MSI2: variants seen among roughly 807,000 people sequenced by gnomAD.
The protein encoded by MSI2 is RNA-binding protein Musashi homolog 2.
Under a neutral mutation model 45.6 loss-of-function variants are expected in MSI2, and 17 were observed. That is an observed-to-expected ratio of 0.37 (90% CI 0.26 to 0.56). The LOEUF is 0.56. Among genes scored for constraint, MSI2 ranks in the 20% least tolerant of loss-of-function variants. The pLI, the probability that MSI2 is intolerant of heterozygous loss-of-function variation, is 0.77. For synonymous variants in MSI2, 156 were observed against 158.2 expected (o/e 0.99, Z 0.11); for missense variants, 293 against 444.2 (o/e 0.66, Z 3.06).
At chr17:57,438,814 T>TTTTTGG (rs2084740645) in intron 6 of MSI2, among the ~76,000 whole-genome samples, 1 of 151,444 alleles carries the variant, frequency 6.6e-6, no homozygotes, top group Non-Finnish European at 1.5e-5. Flanking sequence ...TTTTTTTTTT[T>TTTTTGG]GAGACTGCGT....
At chr17:57,647,274 C>T (rs150908617) in intron 10 of MSI2, among the ~76,000 whole-genome samples, 1 of 37,680 alleles carries the variant, frequency 2.7e-5, no homozygotes, top group Non-Finnish European at 5.3e-5. Flanking sequence ...ACTAAAAATA[C>T]AAAAAAAAAA....
At chr17:57,262,260 A>G in intron 5 of MSI2, 68 bp downstream of exon 5, 4 of 1,540,128 alleles carry the variant, frequency 2.6e-6, no homozygotes, top group Non-Finnish European at 3.6e-6. Context: ...CAAATTTCAA[A>G]CAGCATTGGC....
intron 6 of MSI2, among the ~76,000 whole-genome samples, chr17:57,509,268 C>T (rs1374291720): frequency 6.6e-6 from 1 of 152,088 alleles, no homozygotes; most frequent in African/African-American, 2.4e-5. Flanking sequence ...GAGAGTGTTT[C>T]TCTTAAATAT....
chr17:57,601,424 C>T (rs1007956541), intron 8 of MSI2: 3 of 152,264 alleles, frequency 2.0e-5, no homozygotes, highest in Non-Finnish European at 4.4e-5. Context: ...GGGGATCCTC[C>T]CTGGCCACTC....
rs981636976 is a variant in MSI2, at chr17:57,328,252, A to G, written c.312+66060A>G. Among the ~76,000 whole-genome samples the G allele has an allele frequency of 5.5e-5, 8 of 145,788 alleles. No homozygotes were observed. In the South Asian group the frequency reaches 8.5e-4, roughly 16 times the overall value. ...CATGCATCTACCTAGCCATCCATCCATGTATTCATCTATCCATCCATCCAT... is the reference window on the plus strand; with the variant it reads ...CATGCATCTACCTAGCCATCCATCCGTGTATTCATCTATCCATCCATCCAT... On this transcript the variant is annotated intron_variant, in intron 5 of 13. Transcript: ENST00000284073.
chr17:57,350,323 C>G (rs1261235975), intron 5 of MSI2, among the ~76,000 whole-genome samples: 1 of 151,396 alleles, frequency 6.6e-6, no homozygotes, highest in African/African-American at 2.4e-5. Context: ...GCCTTAGAGT[C>G]CAGACATGGT....
the MSI2 span, among the ~76,000 whole-genome samples, chr17:57,700,705 C>G: frequency 6.6e-6 from 1 of 152,110 alleles, no homozygotes; most frequent in Admixed American, 6.5e-5. Context: ...GAGTTCGAGA[C>G]CAGCCTGGCC....
chr17:57,535,817 G>C (rs1049898622), intron 7 of MSI2, among the ~76,000 whole-genome samples: 2 of 152,232 alleles, frequency 1.3e-5, no homozygotes, highest in African/African-American at 4.8e-5. Context: ...AGCTTGCTCA[G>C]TCTCTGTCCC....
intron 5 of MSI2, among the ~76,000 whole-genome samples, chr17:57,329,940 G>GTT (rs113322197): frequency 2.1e-5 from 3 of 141,798 alleles, no homozygotes; most frequent in Admixed American, 7.0e-5. Flanking sequence ...TTTTGTTTTT[G>GTT]TTTTTTTTTT....
chr17:57,587,683 G>A (rs942816598), intron 7 of MSI2, among the ~76,000 whole-genome samples: 1 of 152,196 alleles, frequency 6.6e-6, no homozygotes, highest in Admixed American at 6.5e-5. Context: ...GCCGATCTCT[G>A]CCTTGCCTGT....
chr17:57,574,242 C>G (rs760206712), intron 7 of MSI2, among the ~76,000 whole-genome samples: 1 of 152,208 alleles, frequency 6.6e-6, no homozygotes. Context: ...TTTTCTCCAG[C>G]CTTTGCTGAG....
At chr17:57,282,265 G>T (rs1909486567) in intron 5 of MSI2, among the ~76,000 whole-genome samples, 1 of 152,110 alleles carries the variant, frequency 6.6e-6, no homozygotes, top group Non-Finnish European at 1.5e-5. Context: ...AGCTTGGAGG[G>T]CCAGTTGCGT....
chr17:57,474,484 C>T (rs1409854871), intron 6 of MSI2, among the ~76,000 whole-genome samples: 1 of 152,146 alleles, frequency 6.6e-6, no homozygotes, highest in African/African-American at 2.4e-5. Flanking sequence ...GGAAGTTGCG[C>T]AGCATCTCTG....
chr17:57,516,116 G>A (rs1411217025), intron 6 of MSI2, among the ~76,000 whole-genome samples: 1 of 152,048 alleles, frequency 6.6e-6, no homozygotes, highest in Non-Finnish European at 1.5e-5. Flanking sequence ...CTGGAGATTT[G>A]AGTAACTATC....
At chr17:57,583,376 G>A (rs1244999088) in intron 7 of MSI2, among the ~76,000 whole-genome samples, 1 of 152,106 alleles carries the variant, frequency 6.6e-6, no homozygotes, top group Non-Finnish European at 1.5e-5. Context: ...AAGGACATGT[G>A]AAGGCACTGG....
intron 5 of MSI2, among the ~76,000 whole-genome samples, chr17:57,377,059 T>C (rs943033834): frequency 3.9e-5 from 6 of 152,082 alleles, no homozygotes; most frequent in African/African-American, 1.2e-4. Flanking sequence ...TAGCTGGGAC[T>C]ACAGGCGCCC....
rs1164031006 is a variant in MSI2 at position 57,318,812 on chromosome 17, C to T, written c.312+56620C>T. 2.0e-5 allele frequency among the ~76,000 whole-genome samples: 3 copies of T among 152,138 alleles called. 1 individual carries two copies. Among genetic ancestry groups the T allele is most frequent in the African/African-American group, 4.8e-5 (2 of 41,410 alleles). On this transcript the variant is annotated intron_variant, in intron 5 of 13. Coordinates refer to ENST00000284073, the MANE Select transcript of MSI2 (RefSeq NM_138962.4). ...CCTGTTAAGTGCAAAGAAGATGCCT[C>T]GCTGCAGGAACATCTGTGCTCCTTA...
At chr17:57,272,009 G>A (rs1908421012) in intron 5 of MSI2, among the ~76,000 whole-genome samples, 2 of 152,260 alleles carry the variant, frequency 1.3e-5, no homozygotes, top group South Asian at 2.1e-4. Context: ...GTAGCAAAAT[G>A]TGATGCTGAG....
intron 10 of MSI2, chr17:57,631,439 G>T: frequency 4.2e-6 from 1 of 235,852 alleles, no homozygotes; most frequent in Non-Finnish European, 8.1e-6. Flanking sequence ...CATGTGACAT[G>T]GGGCTGCACG....
Sources: allele counts gnomAD v4.1 joint callset (sites outside exome capture counted in the v4.1 genomes callset), GRCh38; gene constraint gnomAD v4.1.1; transcripts MANE v1.5; gene names NCBI Gene and HGNC (gene_info 2026-07-23, HGNC 2026-07-21).